Variants in RNF130 observed in about 807,000 individuals in gnomAD.
The protein encoded by RNF130 is ring finger protein 130, also known as E3 ubiquitin-protein ligase RNF130.
Under a neutral mutation model 44.6 loss-of-function variants are expected in RNF130, and 21 were observed. That is an observed-to-expected ratio of 0.47 (90% CI 0.33 to 0.68). RNF130 has a LOEUF of 0.68. Ranked by LOEUF, RNF130 falls within the 30% of genes least tolerant of loss-of-function variation. The pLI is 0.02. For synonymous variants in RNF130, 214 were observed against 210.4 expected (o/e 1.02, Z -0.15); for missense variants, 479 against 560.6 (o/e 0.85, Z 1.47).
chr5:179,970,938 T>C (rs911042153), intron 5 of RNF130, among the ~76,000 whole-genome samples: 2 of 152,256 alleles, frequency 1.3e-5, no homozygotes, highest in Non-Finnish European at 2.9e-5. Flanking sequence ...GGCACCCTGA[T>C]TGAATGTCAT....
At position 180,006,269 on chromosome 5, in the gene RNF130, A is replaced by C. The variant is rs943203885; in HGVS notation, c.693+6792T>G. 3.9e-5 allele frequency among the ~76,000 whole-genome samples: 6 copies of C among 152,152 alleles called. No homozygotes were observed. The East Asian group carries it at 9.7e-4, about 25-fold the overall frequency. On this transcript the variant is annotated intron_variant, in intron 3 of 8. Coordinates refer to ENST00000521389, the MANE Select transcript of RNF130 (RefSeq NM_018434.6). ...TAGGACAAATCTTGGCAGTATATACAATACTTCCTCTCTTCCAATGTGGAA... is the reference window on the plus strand; with the variant it reads ...TAGGACAAATCTTGGCAGTATATACCATACTTCCTCTCTTCCAATGTGGAA...
At chr5:179,988,037 C>A (rs2113024253) in intron 3 of RNF130, among the ~76,000 whole-genome samples, 1 of 152,308 alleles carries the variant, frequency 6.6e-6, no homozygotes, top group Non-Finnish European at 1.5e-5. Context: ...TTCAGAAGAA[C>A]TGACGTTAAT....
chr5:180,031,141 A>G (rs1017625468), intron 2 of RNF130, among the ~76,000 whole-genome samples: 1 of 152,236 alleles, frequency 6.6e-6, no homozygotes, highest in Admixed American at 6.5e-5. Flanking sequence ...CAAAGTATGT[A>G]TTAATCGACT....
At chr5:180,028,287 A>G (rs1764038405) in intron 2 of RNF130, among the ~76,000 whole-genome samples, 1 of 152,048 alleles carries the variant, frequency 6.6e-6, no homozygotes, top group African/African-American at 2.4e-5. Context: ...TTATAACTCC[A>G]TGGAAAGAGG....
At chr5:179,913,137 T>C (rs26077) in exon 8 of RNF130, 70,070 of 152,138 alleles carry the variant, frequency 0.46, 16,780 homozygotes, top group East Asian at 0.75. Context: ...AGAATGCACG[T>C]GCGCTGGGCA....
chr5:180,055,453 C>T (rs116548699), intron 1 of RNF130, among the ~76,000 whole-genome samples: 20,541 of 91,402 alleles, frequency 0.22, 1,442 homozygotes, highest in East Asian at 0.36. Flanking sequence ...TGTGTGTGTG[C>T]GTGTGTGTGT....
intron 2 of RNF130, among the ~76,000 whole-genome samples, chr5:180,034,746 G>C (rs578059092): frequency 6.6e-6 from 1 of 152,332 alleles, no homozygotes; most frequent in Non-Finnish European, 1.5e-5. Flanking sequence ...CCTAATAAGA[G>C]TGACTCACTG....
chr5:179,943,958 T>C lies in RNF130; in HGVS notation c.1150+22848A>G, dbSNP rs115046056. On this transcript the variant is annotated intron_variant, in intron 7 of 7. Coordinates refer to the RNF130 transcript ENST00000522208. ...AAGGTCCCATGTAACTAACCACTTC[T>C]CTTTATTTCTGAGAAATTTTTTTTT... Among the ~76,000 whole-genome samples, 1,038 of 152,200 alleles carry C rather than the reference T, an allele frequency of 6.8e-3. 10 individuals carry two copies. The highest frequency in any genetic ancestry group is 0.024 in the African/African-American group (982 of 41,532).
At chr5:180,004,837 T>C (rs1328035189) in intron 3 of RNF130, among the ~76,000 whole-genome samples, 1 of 152,224 alleles carries the variant, frequency 6.6e-6, no homozygotes. Flanking sequence ...TTTCTTTTTG[T>C]AAACACTGGT....
In RNF130 at chr5:180,055,440, T is replaced by TCCG. The variant is rs57927481; in HGVS notation, c.248-14794_248-14793insCGG. 6.9e-3 allele frequency among the ~76,000 whole-genome samples: 1,038 copies of TCCG among 150,760 alleles called. 5 individuals carry two copies. Among genetic ancestry groups the TCCG allele is most frequent in the Non-Finnish European group, 0.01 (685 of 67,686 alleles). On this transcript the variant is annotated intron_variant, in intron 1 of 8. Transcript: ENST00000521389. ...TCCTCAACCTGAATGTCAGATGACT[T>TCCG]TGTGTGTGTGTGCGTGTGTGTGTGT...
chr5:179,920,558 T>C (rs1310235379), intron 7 of RNF130: 2 of 586,618 alleles, frequency 3.4e-6, no homozygotes, highest in Non-Finnish European at 6.1e-6. Context: ...GGGGCTCTTA[T>C]TAGAGAGATA....
chr5:180,054,605 T>A (rs1025847364), intron 1 of RNF130, among the ~76,000 whole-genome samples: 1 of 152,264 alleles, frequency 6.6e-6, no homozygotes, highest in Non-Finnish European at 1.5e-5. Flanking sequence ...TGATCTACCA[T>A]GTCTCTATCA....
At chr5:180,058,457 G>C (rs1746059037) in intron 1 of RNF130, among the ~76,000 whole-genome samples, 1 of 152,222 alleles carries the variant, frequency 6.6e-6, no homozygotes, top group African/African-American at 2.4e-5. Context: ...CAAATTATGA[G>C]GAACTAACCT....
intron 7 of RNF130, among the ~76,000 whole-genome samples, chr5:179,965,634 G>A (rs945285035): frequency 6.6e-6 from 1 of 152,060 alleles, no homozygotes; most frequent in African/African-American, 2.4e-5. Context: ...TAAAACTGTA[G>A]ACCATAAAAC....
chr5:180,013,162 C>T lies in RNF130; in HGVS notation c.592G>A (p.Val198Met). The T allele has an allele frequency of 1.9e-6, 3 of 1,613,988 alleles. No individual in the cohort carries two copies. Among genetic ancestry groups the T allele is most frequent in the East Asian group, 2.2e-5 (1 of 44,868 alleles). ...KNFSRGSLVF[V>M]SISFIVLMII... ...ATCAAAACAATAAAGGATATTGACA[C>T]GAAGACTAGAGAGCCACGGCTGAAG... Residue 198 changes from valine (V) to methionine (M), a missense_variant, in exon 3 of 9, where the codon GTG becomes ATG. Transcript: ENST00000521389.
exon 8 of RNF130, chr5:179,916,143 C>G (rs528980815): frequency 2.6e-5 from 4 of 152,280 alleles, no homozygotes; most frequent in Admixed American, 2.6e-4. Flanking sequence ...TGTCAACCAC[C>G]GACATTAACG....
intron 1 of RNF130, among the ~76,000 whole-genome samples, chr5:180,046,668 CT>C (rs1275605941): frequency 6.6e-6 from 1 of 152,142 alleles, no homozygotes; most frequent in Non-Finnish European, 1.5e-5. Context: ...CTTCATCCTC[CT>C]GAAATGCCAG....
intron 7 of RNF130, among the ~76,000 whole-genome samples, chr5:179,934,659 T>C (rs755918814): frequency 2.2e-4 from 33 of 150,950 alleles, no homozygotes; most frequent in Non-Finnish European, 4.3e-4. Context: ...TCCTGCTGCC[T>C]CAGCCTCCCA....
At position 180,013,119 on chromosome 5, in the gene RNF130, C is replaced by T; in HGVS notation, c.635G>A (p.Trp212Ter). The T allele has an allele frequency of 1.2e-6, 2 of 1,614,012 alleles. No individual in the cohort carries two copies. The highest frequency in any genetic ancestry group is 1.7e-6 in the Non-Finnish European group (2 of 1,180,010). Residue 212 changes from tryptophan (W) to a stop codon, truncating the protein, a stop_gained, in exon 3 of 9, where the codon TGG becomes TAG. Transcript: ENST00000521389. LOFTEE classifies it high-confidence loss of function. ...CTTCTGAATGAAGTAGAATATGAGC[C>T]ATGCTGAAGAAATAATCATCAAAAC... ...FIVLMIISSA[W>*]LIFYFIQKIR...
Sources: allele counts gnomAD v4.1 joint callset (sites outside exome capture counted in the v4.1 genomes callset), GRCh38; gene constraint gnomAD v4.1.1; transcripts MANE v1.5; gene names NCBI Gene and HGNC (gene_info 2026-07-23, HGNC 2026-07-21).